FRMD6: variants seen among roughly 807,000 people sequenced by gnomAD.
FRMD6 encodes the protein FERM domain containing 6.
A neutral mutation model predicts 73.2 loss-of-function variants in FRMD6; 37 were observed. That is an observed-to-expected ratio of 0.51 (90% CI 0.39 to 0.66). The LOEUF is 0.66. Among genes scored for constraint, FRMD6 ranks in the 30% least tolerant of loss-of-function variants. The pLI is 0.00. For synonymous variants in FRMD6, 273 were observed against 282.2 expected (o/e 0.97, Z 0.33); for missense variants, 714 against 780.5 (o/e 0.91, Z 1.02).
chr14:51,432,134 T>C, the FRMD6 span, among the ~76,000 whole-genome samples: 3 of 152,176 alleles, frequency 2.0e-5, no homozygotes, highest in African/African-American at 7.2e-5. Flanking sequence ...TGAATTAAGA[T>C]ACAGTAATGA....
chr14:51,550,580 A>AACC (rs1555374769), intron 1 of FRMD6, among the ~76,000 whole-genome samples: 5 of 148,008 alleles, frequency 3.4e-5, no homozygotes, highest in African/African-American at 5.0e-5. Flanking sequence ...TTGGGAGGAG[A>AACC]CCCCCCCGCC....
intron 2 of FRMD6, among the ~76,000 whole-genome samples, chr14:51,589,156 T>C (rs1361552132): frequency 6.6e-6 from 1 of 152,194 alleles, no homozygotes; most frequent in Non-Finnish European, 1.5e-5. Flanking sequence ...TGCAGCAAGC[T>C]TTCATTCTTT....
intron 6 of FRMD6, among the ~76,000 whole-genome samples, chr14:51,706,661 G>GAC (rs1896641613): frequency 6.6e-6 from 1 of 151,992 alleles, no homozygotes; most frequent in Non-Finnish European, 1.5e-5. Context: ...CATCCTCCGA[G>GAC]ACTCAGCCCA....
intron 1 of FRMD6, among the ~76,000 whole-genome samples, chr14:51,552,360 G>A (rs1163339808): frequency 6.6e-6 from 1 of 152,210 alleles, no homozygotes; most frequent in African/African-American, 2.4e-5. Context: ...TAAAATTTGA[G>A]GGCTTTAAGT....
At chr14:51,446,546 A>C in the FRMD6 span, among the ~76,000 whole-genome samples, 1 of 151,816 alleles carries the variant, frequency 6.6e-6, no homozygotes, top group African/African-American at 2.4e-5. Flanking sequence ...GAGAAAGATG[A>C]GTTGGATGAT....
At chr14:51,473,717 T>A in the FRMD6 span, among the ~76,000 whole-genome samples, 1 of 152,196 alleles carries the variant, frequency 6.6e-6, no homozygotes, top group Non-Finnish European at 1.5e-5. Context: ...CGCCTACCCC[T>A]TTCTCTTATT....
chr14:51,673,522 T>C (rs1050322873), intron 1 of FRMD6, among the ~76,000 whole-genome samples: 5 of 152,200 alleles, frequency 3.3e-5, no homozygotes, highest in Admixed American at 2.6e-4. Flanking sequence ...GGGGAATCAT[T>C]AGGCTCACCT....
chr14:51,415,350 GA>G, the FRMD6 span, among the ~76,000 whole-genome samples: 1 of 152,146 alleles, frequency 6.6e-6, no homozygotes, highest in Admixed American at 6.5e-5. Context: ...ATTTTATTGA[GA>G]ATTTTTAACA....
At chr14:51,482,517 C>G in the FRMD6 span, among the ~76,000 whole-genome samples, 83,738 of 152,074 alleles carry the variant, frequency 0.55, 23,289 homozygotes, top group East Asian at 0.72. Flanking sequence ...TTTACTCCCT[C>G]TATCTCTGCT....
intron 13 of FRMD6, 60 bp from the exon 14 acceptor site, chr14:51,727,685 A>G (rs1409557081): frequency 3.4e-6 from 5 of 1,487,872 alleles, no homozygotes; most frequent in South Asian, 2.6e-5. Context: ...ATCTCTCTTT[A>G]CAAGGCAAAT....
chr14:51,709,002 G>C (rs546486420), intron 7 of FRMD6, among the ~76,000 whole-genome samples: 1 of 152,236 alleles, frequency 6.6e-6, no homozygotes, highest in East Asian at 1.9e-4. Context: ...GCCATGCTCT[G>C]CAGGGAATCA....
chr14:51,425,731 A>C, the FRMD6 span, among the ~76,000 whole-genome samples: 1 of 152,102 alleles, frequency 6.6e-6, no homozygotes, highest in Admixed American at 6.6e-5. Flanking sequence ...AACCTACCCC[A>C]GACCACCCTC....
In FRMD6 at chr14:51,698,204, C is replaced by T. The variant is rs375152381; in HGVS notation, c.162C>T (p.Cys54=). 8 of 1,612,072 alleles carry T rather than the reference C, an allele frequency of 5.0e-6. No homozygotes were observed. In the African/African-American group the frequency reaches 1.1e-4, roughly 22 times the overall value. The change falls in exon 3 of 14, where the codon TGC becomes TGT. Residue 54 remains cysteine, a synonymous_variant. Coordinates refer to ENST00000344768, the MANE Select transcript of FRMD6 (RefSeq NM_001267046.2). ...GTGACCTGCTCAGGCTAAAGGACTGCCACCTCTTTGGACTCAGTGTTATAC... is the reference window on the plus strand; with the variant it reads ...GTGACCTGCTCAGGCTAAAGGACTGTCACCTCTTTGGACTCAGTGTTATAC... ...QVCDLLRLKD[C]HLFGLSVIQN...
In FRMD6 at chr14:51,728,490, G is replaced by A. The variant is rs540380602; in HGVS notation, c.*461G>A. ...GAAGATTCTCTCTTCTTTTAACAGA[G>A]AGATGATTGCTCTGTATACCCATTG... On this transcript the variant is annotated 3_prime_UTR_variant, in exon 14 of 14. Transcript: ENST00000344768. 1 of 173,338 alleles carries A rather than the reference G, an allele frequency of 5.8e-6. No homozygotes were observed. Among genetic ancestry groups the A allele is most frequent in the Admixed American group, 5.4e-5 (1 of 18,612 alleles). 10.7% of individuals were successfully genotyped at this position (173,338 alleles called of 1,614,324 possible). A position where few individuals can be genotyped will look rare whatever the true frequency, so the allele number is the denominator to read the frequency against.
chr14:51,542,292 C>G (rs1218653888), intron 1 of FRMD6, among the ~76,000 whole-genome samples: 2 of 152,074 alleles, frequency 1.3e-5, no homozygotes, highest in African/African-American at 4.8e-5. Context: ...TCCTCATTCT[C>G]TCCTACCCGC....
At chr14:51,464,670 A>C in the FRMD6 span, among the ~76,000 whole-genome samples, 2 of 152,148 alleles carry the variant, frequency 1.3e-5, no homozygotes, top group African/African-American at 4.8e-5. Context: ...ATGGATACCC[A>C]CTGCAGGAGG....
intron 1 of FRMD6, among the ~76,000 whole-genome samples, chr14:51,680,764 AT>A (rs11320636): frequency 0.4 from 61,211 of 151,742 alleles, 12,608 homozygotes; most frequent in African/African-American, 0.5. Flanking sequence ...TATTGATGTT[AT>A]TTTTTTATAT....
intron 3 of FRMD6, among the ~76,000 whole-genome samples, chr14:51,700,641 A>G (rs1320231898): frequency 1.3e-5 from 2 of 151,984 alleles, no homozygotes; most frequent in Non-Finnish European, 2.9e-5. Context: ...AGCAATTAAG[A>G]TAGTGTTTCT....
chr14:51,447,699 A>C, the FRMD6 span, among the ~76,000 whole-genome samples: 2 of 152,142 alleles, frequency 1.3e-5, no homozygotes, highest in African/African-American at 4.8e-5. Flanking sequence ...CCTTTTCCTC[A>C]TTTAAACAAA....
Sources: gnomAD v4.1 joint callset for allele counts (sites outside exome capture counted in the v4.1 genomes callset) on GRCh38, gnomAD v4.1.1 for gene constraint, MANE v1.5 for transcripts, NCBI Gene and HGNC (gene_info 2026-07-23, HGNC 2026-07-21) for gene names.